FGD4: variants seen among roughly 807,000 people sequenced by gnomAD.
The protein encoded by FGD4 is FYVE, RhoGEF and PH domain containing 4.
FGD4 carries 42 observed loss-of-function variants against 102.0 expected under a neutral mutation model. That is an observed-to-expected ratio of 0.41 (90% CI 0.32 to 0.53). The LOEUF (loss-of-function observed/expected upper bound fraction) is 0.53, where lower values mean the gene tolerates loss of function less well. Ranked by LOEUF, FGD4 falls within the 20% of genes least tolerant of loss-of-function variation. The probability of loss-of-function intolerance (pLI) is 0.21; values close to 1 mark genes in which losing one functional copy is unlikely to be tolerated. For missense variants in FGD4, 902 were observed against 1,078.2 expected (o/e 0.84, Z 2.29); for synonymous variants, 380 against 375.7 (o/e 1.01, Z -0.13).
intron 5 of FGD4, chr12:32,600,592 CTTTT>C (rs1181093585): frequency 1.6e-4 from 33 of 200,810 alleles, no homozygotes; most frequent in South Asian, 4.9e-4. Context: ...TTCTTTCTTT[CTTTT>C]TTTTTTTTTT....
At position 32,564,013 on chromosome 12, in the gene FGD4, A is replaced by G. The variant is rs1280646719; in HGVS notation, c.167-124A>G. 1.2e-5 allele frequency: 9 copies of G among 751,426 alleles called. No individual in the cohort carries two copies. The East Asian group carries it at 2.3e-4, about 20-fold the overall frequency. The allele number at this position is 751,426 out of a possible 1,614,324, so 46.5% of individuals were successfully genotyped here. On this transcript the variant is annotated intron_variant, in intron 1 of 16. Transcript: ENST00000534526. Reference sequence around the variant, plus strand: ...GTGGAAAGAGAGGGAGACCGTGGAAAGGGGAGAGGGAGAGGGAGGGGGAGG... The same window carrying G: ...GTGGAAAGAGAGGGAGACCGTGGAAGGGGGAGAGGGAGAGGGAGGGGGAGG...
chr12:32,581,197 A>G (rs1946590121), intron 3 of FGD4, among the ~76,000 whole-genome samples: 1 of 152,208 alleles, frequency 6.6e-6, no homozygotes, highest in African/African-American at 2.4e-5. Flanking sequence ...ACACTTGGTT[A>G]TTAAGAATGG....
At chr12:32,475,051 C>A (rs1025594951) in intron 1 of FGD4, among the ~76,000 whole-genome samples, 1 of 152,160 alleles carries the variant, frequency 6.6e-6, no homozygotes, top group Non-Finnish European at 1.5e-5. Flanking sequence ...GGCACATGAC[C>A]TTCACTGGTG....
intron 2 of FGD4, among the ~76,000 whole-genome samples, chr12:32,571,994 G>A (rs1047012541): frequency 3.3e-5 from 5 of 152,082 alleles, no homozygotes; most frequent in Admixed American, 1.3e-4. Context: ...ATGCCCAGGA[G>A]TTTGAGGTTA....
At chr12:32,564,430 CTG>C in intron 2 of FGD4, 141 bp downstream of exon 2, 1 of 1,053,026 alleles carries the variant, frequency 9.5e-7, no homozygotes, top group Non-Finnish European at 1.3e-6. Flanking sequence ...AAGAGTCCAT[CTG>C]TGCATCTTCT....
chr12:32,601,268 T>G lies in FGD4; in HGVS notation c.1102-10T>G, dbSNP rs757366254. On this transcript the variant is annotated splice_polypyrimidine_tract_variant and intron_variant, in intron 5 of 16. Transcript: ENST00000534526. ...ATGTGAAGTAATGCTTACATTATTCTTTTATTCAGGTATTTTATTGCAAAC... is the reference window on the plus strand; with the variant it reads ...ATGTGAAGTAATGCTTACATTATTCGTTTATTCAGGTATTTTATTGCAAAC... 4.3e-6 allele frequency: 7 copies of G among 1,613,096 alleles called. No homozygotes were observed. Among genetic ancestry groups the G allele is most frequent in the Non-Finnish European group, 5.1e-6 (6 of 1,179,422 alleles).
intron 1 of FGD4, among the ~76,000 whole-genome samples, chr12:32,555,432 G>A (rs918088502): frequency 1.3e-5 from 2 of 152,048 alleles, no homozygotes; most frequent in Admixed American, 6.5e-5. Flanking sequence ...ATCTGGAGAC[G>A]GGTGAGGTCT....
intron 13 of FGD4, 111 bp downstream of exon 13, chr12:32,625,179 G>A: frequency 1.1e-6 from 1 of 886,154 alleles, no homozygotes; most frequent in South Asian, 1.4e-5. Flanking sequence ...GTCAGAACTG[G>A]CTGGTTAGAC....
intron 13 of FGD4, 98 bp downstream of exon 13, chr12:32,625,166 A>G: frequency 9.6e-7 from 1 of 1,040,840 alleles, no homozygotes; most frequent in South Asian, 1.3e-5. Flanking sequence ...TTCCCTTTAC[A>G]ATGTCAGAAC....
At chr12:32,400,051 C>T (rs755145095) in intron 1 of FGD4, 92 bp downstream of exon 1, 112 of 1,389,738 alleles carry the variant, frequency 8.1e-5, no homozygotes, top group East Asian at 5.0e-4. Flanking sequence ...GCCCTCTCGT[C>T]CCCCGCTGCG....
intron 2 of FGD4, among the ~76,000 whole-genome samples, chr12:32,574,458 T>C (rs1296647682): frequency 6.6e-6 from 1 of 152,120 alleles, no homozygotes; most frequent in African/African-American, 2.4e-5. Flanking sequence ...TACATACTTA[T>C]TCTACACAGA....
intron 11 of FGD4, among the ~76,000 whole-genome samples, chr12:32,620,984 A>G (rs1949807745): frequency 6.6e-6 from 1 of 151,970 alleles, no homozygotes; most frequent in Admixed American, 6.6e-5. Context: ...TTAAAGGATA[A>G]AAATCCATGA....
At chr12:32,532,436 G>A (rs1941889035) in intron 1 of FGD4, among the ~76,000 whole-genome samples, 1 of 152,090 alleles carries the variant, frequency 6.6e-6, no homozygotes, top group African/African-American at 2.4e-5. Context: ...GCAAAATGGT[G>A]ATAAATTAAC....
intron 1 of FGD4, among the ~76,000 whole-genome samples, chr12:32,411,228 C>T (rs903107805): frequency 9.9e-4 from 150 of 151,884 alleles, no homozygotes; most frequent in African/African-American, 3.4e-3. Flanking sequence ...TGCGCCCGGC[C>T]GCTCATTTGT....
rs745661476 is a variant in FGD4 at position 32,638,879 on chromosome 12, A to T, written c.2454+84A>T. 3.1e-6 allele frequency: 5 copies of T among 1,602,876 alleles called. No individual in the cohort carries two copies. The Admixed American group carries it at 7.1e-5, about 23-fold the overall frequency. ...TGGACAGCGGACTCAAAATCTGTAGAACAAGAGTTCAGGCAGTTTCACTGT... is the reference window on the plus strand; with the variant it reads ...TGGACAGCGGACTCAAAATCTGTAGTACAAGAGTTCAGGCAGTTTCACTGT... On this transcript the variant is annotated intron_variant, in intron 16 of 16. Transcript: ENST00000534526.
chr12:32,561,773 CT>C (rs1944613707), intron 1 of FGD4, among the ~76,000 whole-genome samples: 1 of 152,190 alleles, frequency 6.6e-6, no homozygotes, highest in Admixed American at 6.5e-5. Context: ...CAACATATAA[CT>C]TTTTATACCA....
intron 1 of FGD4, among the ~76,000 whole-genome samples, chr12:32,446,799 G>T (rs974534766): frequency 7.9e-5 from 12 of 152,144 alleles, no homozygotes; most frequent in African/African-American, 2.7e-4. Flanking sequence ...CCTAGAGCGC[G>T]TAGAGATACC....
intron 1 of FGD4, among the ~76,000 whole-genome samples, chr12:32,435,037 G>A (rs749821086): frequency 2.0e-5 from 3 of 151,546 alleles, no homozygotes; most frequent in Non-Finnish European, 4.4e-5. Context: ...TCTGCCTCCC[G>A]GGTTCAAGTG....
intron 1 of FGD4, among the ~76,000 whole-genome samples, chr12:32,453,498 T>TG (rs1942868019): frequency 6.6e-6 from 1 of 151,866 alleles, no homozygotes; most frequent in Non-Finnish European, 1.5e-5. Context: ...CATCCCAAAG[T>TG]GCTGGGATTA....
Sources: allele counts gnomAD v4.1 joint callset (sites outside exome capture counted in the v4.1 genomes callset), GRCh38; gene constraint gnomAD v4.1.1; transcripts MANE v1.5; gene names NCBI Gene and HGNC (gene_info 2026-07-23, HGNC 2026-07-21).